The following ZNF362 variants were observed in gnomAD, a reference collection of about 807,000 sequenced individuals.
ZNF362 encodes rotund homolog.
Under a neutral mutation model 42.9 loss-of-function variants are expected in ZNF362, and 11 were observed. The ratio of observed to expected loss-of-function variants is 0.26; its 90% CI spans 0.16 to 0.42. The LOEUF (loss-of-function observed/expected upper bound fraction) is 0.42. Ranked by LOEUF, ZNF362 falls within the 20% of genes least tolerant of loss-of-function variation. The pLI, the probability that ZNF362 is intolerant of heterozygous loss-of-function variation, is 1.00. For missense variants in ZNF362, 362 were observed against 576.2 expected, an observed-to-expected ratio of 0.63 and a Z score of 3.81; for synonymous variants, 255 against 257.3, an observed-to-expected ratio of 0.99 and a Z score of 0.09.
chr1:33,295,127 C>A lies in ZNF362; in HGVS notation c.988-20C>A, dbSNP rs1203102643. ...GAGGGAGCCCTGTTCCTCTCCTGAC[C>A]CCCTGCTGTGCCCCTACAGTCTCAC... On this transcript the variant is annotated intron_variant, in intron 7 of 8. Coordinates refer to ENST00000539719, the MANE Select transcript of ZNF362 (RefSeq NM_152493.3). 4 of 1,613,698 alleles carry A rather than the reference C, an allele frequency of 2.5e-6. No individual in the cohort carries two copies. In the South Asian group the frequency reaches 3.3e-5, roughly 13 times the overall value.
intron 6 of ZNF362, among the ~76,000 whole-genome samples, chr1:33,286,604 G>A (rs2148121431): frequency 6.6e-6 from 1 of 152,076 alleles, no homozygotes; most frequent in South Asian, 2.1e-4. Flanking sequence ...CAGTTTATAA[G>A]TCACTAGACG....
the ZNF362 span, among the ~76,000 whole-genome samples, chr1:33,224,766 ACT>A: frequency 1.3e-5 from 2 of 152,332 alleles, no homozygotes; most frequent in African/African-American, 4.8e-5. Context: ...AATTTCCAAA[ACT>A]GAAGAAAGAT....
chr1:33,197,137 T>C, the ZNF362 span, among the ~76,000 whole-genome samples: 1 of 152,200 alleles, frequency 6.6e-6, no homozygotes, highest in Non-Finnish European at 1.5e-5. Context: ...GTCCAGGTTC[T>C]TTGGTCTTTG....
At chr1:33,272,996 C>T (rs1057006356) in intron 2 of ZNF362, among the ~76,000 whole-genome samples, 1 of 152,250 alleles carries the variant, frequency 6.6e-6, no homozygotes, top group African/African-American at 2.4e-5. Context: ...AAGCCCCTCC[C>T]TTAGACAAGG....
intron 2 of ZNF362, 72 bp from the exon 3 acceptor site, chr1:33,276,028 G>T: frequency 1.3e-6 from 2 of 1,557,396 alleles, no homozygotes; most frequent in South Asian, 1.1e-5. Flanking sequence ...TTGAGTGGGC[G>T]CAGCTGAGGG....
chr1:33,181,530 C>G, the ZNF362 span: 25 of 1,448,352 alleles, frequency 1.7e-5, no homozygotes, highest in East Asian at 6.5e-4. This position sits in a 1 kb window ranked among gnomAD's most constrained non-coding sequence, Gnocchi z 6.5. Context: ...GGCGCGGGGA[C>G]GAGGCCCGCA....
chr1:33,219,490 C>T, the ZNF362 span, among the ~76,000 whole-genome samples: 1 of 152,188 alleles, frequency 6.6e-6, no homozygotes, highest in Non-Finnish European at 1.5e-5. Flanking sequence ...AAGGGGAGGA[C>T]TCGTGAAGAC....
chr1:33,148,719 CT>C, the ZNF362 span, among the ~76,000 whole-genome samples: 1 of 152,120 alleles, frequency 6.6e-6, no homozygotes, highest in Non-Finnish European at 1.5e-5. Context: ...AAAGGTTACA[CT>C]TGAAATTATA....
the ZNF362 span, among the ~76,000 whole-genome samples, chr1:33,250,173 A>T: frequency 1.3e-5 from 2 of 152,220 alleles, no homozygotes; most frequent in African/African-American, 4.8e-5. Context: ...GACCTTAGCT[A>T]GAGGCCTGGC....
At chr1:33,182,675 T>C in the ZNF362 span, among the ~76,000 whole-genome samples, 2 of 150,802 alleles carry the variant, frequency 1.3e-5, no homozygotes, top group African/African-American at 2.4e-5. Context: ...GGAGAAAAAG[T>C]AATAGGAGAA....
At chr1:33,277,826 G>A (rs1645962895) in intron 4 of ZNF362, among the ~76,000 whole-genome samples, 1 of 152,196 alleles carries the variant, frequency 6.6e-6, no homozygotes, top group South Asian at 2.1e-4. Flanking sequence ...GTGCCAGGCG[G>A]ACATCCTGGG....
At chr1:33,222,071 G>C in the ZNF362 span, among the ~76,000 whole-genome samples, 1 of 152,156 alleles carries the variant, frequency 6.6e-6, no homozygotes, top group East Asian at 1.9e-4. Context: ...TTCATGAGCT[G>C]TCCATGAGCC....
intron 6 of ZNF362, among the ~76,000 whole-genome samples, chr1:33,285,109 A>G (rs967681317): frequency 3.3e-5 from 5 of 152,266 alleles, no homozygotes; most frequent in Admixed American, 1.3e-4. Flanking sequence ...ATCATGATCA[A>G]TTTTTCAAAT....
the ZNF362 span, chr1:33,159,915 G>A: frequency 8.7e-6 from 14 of 1,607,374 alleles, no homozygotes; most frequent in African/African-American, 8.0e-5. The surrounding 1 kb of genome is among the most constrained non-coding windows in gnomAD (Gnocchi z 4.2). Flanking sequence ...AGGCCTCGCC[G>A]ATAGTGGTCC....
chr1:33,170,350 T>C, the ZNF362 span, among the ~76,000 whole-genome samples: 2 of 151,438 alleles, frequency 1.3e-5, no homozygotes, highest in East Asian at 3.9e-4. Context: ...CCCTACTAGA[T>C]TGTACATTCC....
chr1:33,295,878 G>A lies in ZNF362; in HGVS notation c.1146+573G>A, dbSNP rs564839855. 7.4e-4 allele frequency among the ~76,000 whole-genome samples: 113 copies of A among 152,278 alleles called. 2 individuals are homozygous for A. The highest frequency in any genetic ancestry group is 2.6e-3 in the African/African-American group (108 of 41,558). ...TCTAGTTAACAGACCCCGTATCCCC[G>A]ACATAGAGGTCACTGAGCCTCAGTT... On this transcript the variant is annotated intron_variant, in intron 8 of 8. Transcript: ENST00000539719.
At position 33,283,467 on chromosome 1, in the gene ZNF362, G is replaced by T. The variant is rs1646011137; in HGVS notation, c.908+1656G>T. Reference sequence around the variant, plus strand: ...CATGCCTGTAATTCTAGCACTTTGGGAGGCTGAGATGGGTTGATCACTTGA... The same window carrying T: ...CATGCCTGTAATTCTAGCACTTTGGTAGGCTGAGATGGGTTGATCACTTGA... On this transcript the variant is annotated intron_variant, in intron 6 of 8. Coordinates refer to ENST00000539719, the MANE Select transcript of ZNF362 (RefSeq NM_152493.3). Among the ~76,000 whole-genome samples, 5 of 152,162 alleles carry T rather than the reference G, an allele frequency of 3.3e-5. No homozygotes were observed. In the South Asian group the frequency reaches 1.0e-3, roughly 32 times the overall value.
chr1:33,238,045 G>T, the ZNF362 span, among the ~76,000 whole-genome samples: 1 of 152,160 alleles, frequency 6.6e-6, no homozygotes, highest in African/African-American at 2.4e-5. Context: ...GTGACTGGGT[G>T]CAGTGGCTCA....
chr1:33,295,056 G>T, intron 7 of ZNF362, 41 bp downstream of exon 7: 2 of 1,611,168 alleles, frequency 1.2e-6, no homozygotes, highest in Non-Finnish European at 8.5e-7. Flanking sequence ...GTGCTCTGGT[G>T]CCCCCCCACC....
Sources: allele counts gnomAD v4.1 joint callset (sites outside exome capture counted in the v4.1 genomes callset), GRCh38; gene constraint gnomAD v4.1.1; non-coding constraint Gnocchi (gnomAD v3.1); transcripts MANE v1.5; gene names NCBI Gene and HGNC (gene_info 2026-07-23, HGNC 2026-07-21).